The following PDE4D variants were observed in gnomAD, a reference collection of about 807,000 sequenced individuals.
PDE4D encodes phosphodiesterase 4D.
In PDE4D, 24 loss-of-function variants were observed where a neutral mutation model predicts 87.4. That is an observed-to-expected ratio of 0.27 (90% CI 0.20 to 0.39). The LOEUF (loss-of-function observed/expected upper bound fraction) is 0.39, where lower values mean the gene tolerates loss of function less well. Ranked by LOEUF, PDE4D falls within the 10% of genes least tolerant of loss-of-function variation. PDE4D has a pLI of 1.00. For synonymous variants in PDE4D, 384 were observed against 383.2 expected (o/e 1.00, Z -0.02); for missense variants, 714 against 1,041.0 (o/e 0.69, Z 4.32).
At chr5:59,998,579 A>G (rs1763731452) in intron 2 of PDE4D, among the ~76,000 whole-genome samples, 1 of 152,118 alleles carries the variant, frequency 6.6e-6, no homozygotes, top group Admixed American at 6.5e-5. Context: ...TATAATCAAG[A>G]CTGATGTTCC....
At chr5:59,936,132 G>A (rs901552387) in intron 3 of PDE4D, among the ~76,000 whole-genome samples, 4 of 152,030 alleles carry the variant, frequency 2.6e-5, no homozygotes, top group African/African-American at 7.2e-5. Flanking sequence ...AACACCGCAT[G>A]TTCTCACTCA....
intron 2 of PDE4D, among the ~76,000 whole-genome samples, chr5:60,038,719 T>G (rs1240647520): frequency 2.0e-5 from 3 of 151,386 alleles, no homozygotes; most frequent in African/African-American, 7.3e-5. Flanking sequence ...GAATCTACAA[T>G]GAACTCAAAC....
chr5:60,043,634 C>G (rs575553100), intron 2 of PDE4D, among the ~76,000 whole-genome samples: 2 of 151,444 alleles, frequency 1.3e-5, no homozygotes, highest in East Asian at 3.9e-4. Context: ...AGAGAGGGGG[C>G]CACTCTTAAA....
At chr5:60,162,993 T>C (rs1489904449) in intron 2 of PDE4D, among the ~76,000 whole-genome samples, 1 of 152,154 alleles carries the variant, frequency 6.6e-6, no homozygotes, top group Non-Finnish European at 1.5e-5. Flanking sequence ...CAGTTATCTG[T>C]TTTTTAAACA....
At chr5:58,982,632 C>A (rs113361594) in intron 11 of PDE4D, among the ~76,000 whole-genome samples, 1,543 of 152,284 alleles carry the variant, frequency 0.01, 23 homozygotes, top group African/African-American at 0.035. Context: ...CTGATCCCCC[C>A]AAAATGGTGT....
chr5:59,227,541 C>T (rs531476835), intron 1 of PDE4D, among the ~76,000 whole-genome samples: 3 of 152,002 alleles, frequency 2.0e-5, no homozygotes, highest in Non-Finnish European at 4.4e-5. Context: ...CGAAATTAAA[C>T]GAACATTCAA....
chr5:59,057,455 A>C (rs1762529936), intron 5 of PDE4D, among the ~76,000 whole-genome samples: 1 of 152,258 alleles, frequency 6.6e-6, no homozygotes. Flanking sequence ...TATGTAAAGC[A>C]GTGCCTGAAA....
At chr5:59,951,301 CCAAA>C (rs1480318825) in intron 3 of PDE4D, among the ~76,000 whole-genome samples, 1 of 151,912 alleles carries the variant, frequency 6.6e-6, no homozygotes, top group Non-Finnish European at 1.5e-5. Context: ...ATTTTTTTCC[CCAAA>C]CACATTGCAA....
chr5:59,275,410 AAAAAT>A (rs1218670501), intron 1 of PDE4D: 2 of 1,596,310 alleles, frequency 1.3e-6, no homozygotes, highest in East Asian at 4.5e-5. Context: ...CATTTTGAAA[AAAAAT>A]AAAAAGGAAA....
intron 1 of PDE4D, among the ~76,000 whole-genome samples, chr5:59,632,920 G>C (rs1039033216): frequency 1.3e-5 from 2 of 152,028 alleles, no homozygotes; most frequent in Non-Finnish European, 2.9e-5. Context: ...TCAGAAGGTG[G>C]GTAATAACAA....
At chr5:59,227,497 T>C (rs1754059688) in intron 1 of PDE4D, among the ~76,000 whole-genome samples, 1 of 152,094 alleles carries the variant, frequency 6.6e-6, no homozygotes, top group South Asian at 2.1e-4. Flanking sequence ...TAAATTGTAT[T>C]ACCTGACAAA....
intron 2 of PDE4D, among the ~76,000 whole-genome samples, chr5:60,103,187 C>T (rs778389458): frequency 1.3e-5 from 2 of 152,106 alleles, no homozygotes; most frequent in Non-Finnish European, 2.9e-5. Flanking sequence ...GCTGACTCAC[C>T]GCATGACAGA....
chr5:60,131,923 T>G (rs1326278475), intron 2 of PDE4D, among the ~76,000 whole-genome samples: 1 of 152,210 alleles, frequency 6.6e-6, no homozygotes, highest in Admixed American at 6.5e-5. Flanking sequence ...TTCTTGGGTG[T>G]AGCTCCCTCT....
intron 1 of PDE4D, among the ~76,000 whole-genome samples, chr5:59,474,099 GGT>G (rs935279658): frequency 6.6e-6 from 1 of 151,976 alleles, no homozygotes; most frequent in African/African-American, 2.4e-5. Flanking sequence ...CTAAAATCAC[GGT>G]GTGTGTGTTA....
Position 60,286,551 on chromosome 5 carries a change from T to C in PDE4D, c.-89-100864A>G, listed in dbSNP as rs191479494. 2.0e-3 allele frequency among the ~76,000 whole-genome samples: 304 copies of C among 152,286 alleles called. 1 individual carries two copies. Among genetic ancestry groups the C allele is most frequent in the Non-Finnish European group, 3.4e-3 (234 of 68,024 alleles). On this transcript the variant is annotated intron_variant, in intron 1 of 16. Coordinates refer to the PDE4D transcript ENST00000502484. ...ATAATATGATGTGGCCGCTAAGAGATTCATCACTGGTTATTTTTGAAACTC... is the reference window on the plus strand; with the variant it reads ...ATAATATGATGTGGCCGCTAAGAGACTCATCACTGGTTATTTTTGAAACTC...
intron 1 of PDE4D, among the ~76,000 whole-genome samples, chr5:59,495,443 C>G (rs1221763663): frequency 6.6e-6 from 1 of 152,190 alleles, no homozygotes; most frequent in Non-Finnish European, 1.5e-5. Flanking sequence ...CTCCATGTCT[C>G]CATTCCATTT....
intron 1 of PDE4D, among the ~76,000 whole-genome samples, chr5:59,669,381 G>A (rs550862791): frequency 6.6e-6 from 1 of 152,068 alleles, no homozygotes; most frequent in Non-Finnish European, 1.5e-5. Flanking sequence ...CAAAATGCTG[G>A]GATTACAGGC....
At chr5:59,511,717 C>T (rs1156807153) in intron 1 of PDE4D, among the ~76,000 whole-genome samples, 1 of 151,868 alleles carries the variant, frequency 6.6e-6, no homozygotes, top group East Asian at 1.9e-4. Flanking sequence ...TAATAATTTT[C>T]AAAATATATA....
intron 1 of PDE4D, among the ~76,000 whole-genome samples, chr5:59,235,144 T>C (rs1756113775): frequency 6.6e-6 from 1 of 152,158 alleles, no homozygotes; most frequent in South Asian, 2.1e-4. Flanking sequence ...CCATACCACA[T>C]ATGCCACTAA....
Sources: gnomAD v4.1 joint callset for allele counts (sites outside exome capture counted in the v4.1 genomes callset) on GRCh38, gnomAD v4.1.1 for gene constraint, MANE v1.5 for transcripts, NCBI Gene and HGNC (gene_info 2026-07-23, HGNC 2026-07-21) for gene names.